The following USP40 variants were observed in gnomAD, a reference collection of about 807,000 sequenced individuals.
USP40 encodes ubiquitin specific peptidase 40, also known as ubiquitin carboxyl-terminal hydrolase 40.
A neutral mutation model predicts 166.2 loss-of-function variants in USP40; 143 were observed. The ratio of observed to expected loss-of-function variants is 0.86; its 90% confidence interval spans 0.75 to 0.99. USP40 has a LOEUF of 0.99. Among genes scored for constraint, USP40 ranks in the 50% least tolerant of loss-of-function variants. The pLI is 0.00. For missense variants in USP40, 1,444 were observed against 1,479.7 expected (o/e 0.98, Z 0.40); for synonymous variants, 498 against 524.0 (o/e 0.95, Z 0.68).
intron 17 of USP40, among the ~76,000 whole-genome samples, chr2:233,520,039 C>G (rs2067546781): frequency 6.6e-6 from 1 of 152,102 alleles, no homozygotes; most frequent in Non-Finnish European, 1.5e-5. Context: ...TCACATTTCT[C>G]TATGTCAGGA....
rs770013526 is a variant in USP40, at chr2:233,499,877, A to G, written c.2650+2T>C. ...AATATGTCATCATGGTAAGTAACTT[A>G]CCTTGTAGGCCAGATTTCTTCAGCA... On this transcript the variant is annotated splice_donor_variant, in intron 22 of 31. Transcript: ENST00000678225. LOFTEE classifies it high-confidence loss of function. 56 of 1,611,524 alleles carry G rather than the reference A, an allele frequency of 3.5e-5. No individual in the cohort carries two copies. In the Admixed American group the frequency reaches 5.4e-4, roughly 15 times the overall value.
In USP40 at chr2:233,517,877, G is replaced by A. The variant is rs554561442; in HGVS notation, c.2383+1737C>T. 9.2e-5 allele frequency among the ~76,000 whole-genome samples: 14 copies of A among 151,934 alleles called. 1 individual carries two copies. The South Asian group carries it at 1.0e-3, about 11-fold the overall frequency. ...AAGGAATGAATTAATGGCATTTGCC[G>A]TGACCTAGATGAGATTGGAAACTAT... On this transcript the variant is annotated intron_variant, in intron 18 of 31. Transcript: ENST00000678225.
chr2:233,554,571 T>A, intron 5 of USP40, 45 bp from the exon 6 acceptor site: 1 of 1,490,752 alleles, frequency 6.7e-7, no homozygotes, highest in Non-Finnish European at 9.0e-7. Context: ...TTTCAGAGGT[T>A]TACAAACACA....
intron 9 of USP40, 48 bp from the exon 10 acceptor site, chr2:233,540,817 T>G (rs766139988): frequency 7.5e-7 from 1 of 1,325,210 alleles, no homozygotes; most frequent in Non-Finnish European, 1.1e-6. Flanking sequence ...GAGAAATAAT[T>G]GCATACTTAA....
Position 233,475,914 on chromosome 2 carries a change from C to A in USP40, c.*1478G>T, listed in dbSNP as rs2124999331. On this transcript the variant is annotated 3_prime_UTR_variant, in exon 32 of 32. Transcript: ENST00000678225. ...CTCTGGCGTCATCAGAAGCCTCTATCATCTCCCTCTGCAAAGACGCAGTCT... is the reference window on the plus strand; with the variant it reads ...CTCTGGCGTCATCAGAAGCCTCTATAATCTCCCTCTGCAAAGACGCAGTCT... 6.6e-6 allele frequency: 1 copy of A among 152,428 alleles called. No homozygotes were observed. Among genetic ancestry groups the A allele is most frequent in the East Asian group, 1.9e-4 (1 of 5,336 alleles). 9.4% of individuals were successfully genotyped at this position (152,428 alleles called of 1,614,324 possible). A position where few individuals can be genotyped will look rare whatever the true frequency, so the allele number is the denominator to read the frequency against.
chr2:233,494,391 A>G (rs1017496756), intron 24 of USP40, among the ~76,000 whole-genome samples: 11 of 152,298 alleles, frequency 7.2e-5, no homozygotes, highest in Admixed American at 7.2e-4. Flanking sequence ...AAGTTTCTGT[A>G]GAATAATTTG....
chr2:233,549,207 T>C lies in USP40; in HGVS notation c.860A>G (p.Tyr287Cys), dbSNP rs1559277907. The change falls in exon 8 of 32, where the codon TAT (tyrosine) becomes TGT (cysteine). Residue 287 changes from tyrosine (Y) to cysteine (C), a missense_variant. Tyr to Cys is a radical substitution (Grantham distance 194). Coordinates refer to ENST00000678225, the MANE Select transcript of USP40 (RefSeq NM_001365479.2). Reference protein sequence around the residue: ...CEQSELDDLEYIYDLFSVIIH... With the variant: ...CEQSELDDLECIYDLFSVIIH... Reference sequence around the variant, plus strand: ...AATAACTGAGAAGAGGTCATATATATATTCTAAGTCATCCAATTCACTCTA... The same window carrying C: ...AATAACTGAGAAGAGGTCATATATACATTCTAAGTCATCCAATTCACTCTA... 2 of 1,477,934 alleles carry C rather than the reference T, an allele frequency of 1.4e-6. No homozygotes were observed. Among genetic ancestry groups the C allele is most frequent in the Non-Finnish European group, 1.9e-6 (2 of 1,077,050 alleles). The allele number at this position is 1,477,934 out of a possible 1,614,324, so 91.6% of individuals were successfully genotyped here. A position where few individuals can be genotyped will look rare whatever the true frequency, so the allele number is the denominator to read the frequency against.
intron 18 of USP40, among the ~76,000 whole-genome samples, chr2:233,517,786 GT>G (rs1314414673): frequency 2.6e-5 from 2 of 76,388 alleles, no homozygotes; most frequent in Non-Finnish European, 5.5e-5. Context: ...ACTGTGGTGT[GT>G]GTGTGTGTGT....
intron 8 of USP40, 47 bp from the exon 9 acceptor site, chr2:233,542,410 G>C: frequency 8.4e-7 from 1 of 1,188,598 alleles, no homozygotes; most frequent in Non-Finnish European, 1.2e-6. Flanking sequence ...CCCTTAAAAA[G>C]TAACAAAATA....
Position 233,485,977 on chromosome 2 carries a change from G to A in USP40, c.3198C>T (p.Gly1066=), listed in dbSNP as rs201791599. ...LEPLQKGENL[G]PQDVLLRTQV... is the part of the protein sequence containing the mutation. ...GTGTCCTCAGCAGCACGTCCTGGGGGCTGTACCAGAAAACCGTCAAGCGCC... is the reference window on the plus strand; with the variant it reads ...GTGTCCTCAGCAGCACGTCCTGGGGACTGTACCAGAAAACCGTCAAGCGCC... Residue 1066 remains glycine, a splice_region_variant and synonymous_variant, in exon 29 of 32, where the codon GGC becomes GGT. Coordinates refer to ENST00000678225, the MANE Select transcript of USP40 (RefSeq NM_001365479.2). The A allele has an allele frequency of 3.6e-4, 562 of 1,568,742 alleles. 1 individual carries two copies. The highest frequency in any genetic ancestry group is 3.5e-3 in the Admixed American group (182 of 51,472).
In USP40 at chr2:233,477,310, A is replaced by G. The variant is rs754558810; in HGVS notation, c.*82T>C. On this transcript the variant is annotated 3_prime_UTR_variant, in exon 32 of 32. Coordinates refer to ENST00000678225, the MANE Select transcript of USP40 (RefSeq NM_001365479.2). ...GGATTTGGGATTGGAGGCGCCAGGC[A>G]GCCAGTCCCCATGCCCAGGAAACCC... The G allele has an allele frequency of 3.0e-4, 395 of 1,304,128 alleles. 1 individual carries two copies. Among genetic ancestry groups the G allele is most frequent in the Non-Finnish European group, 4.0e-4 (375 of 926,412 alleles). 80.8% of individuals were successfully genotyped at this position (1,304,128 alleles called of 1,614,324 possible). A position where few individuals can be genotyped will look rare whatever the true frequency, so the allele number is the denominator to read the frequency against.
At chr2:233,479,243 CTGA>C (rs2064378117) in intron 31 of USP40, among the ~76,000 whole-genome samples, 1 of 152,196 alleles carries the variant, frequency 6.6e-6, no homozygotes, top group South Asian at 2.1e-4. Flanking sequence ...TTGGAGAAGT[CTGA>C]TGAAGTCAGT....
chr2:233,477,328 G>T lies in USP40; in HGVS notation c.*64C>A. ...GCCAGGCAGCCAGTCCCCATGCCCA[G>T]GAAACCCACGTTTGTGGCATCAGCC... On this transcript the variant is annotated 3_prime_UTR_variant, in exon 32 of 32. Transcript: ENST00000678225. 6.6e-7 allele frequency: 1 copy of T among 1,517,852 alleles called. No homozygotes were observed. The allele number at this position is 1,517,852 out of a possible 1,614,324, so 94.0% of individuals were successfully genotyped here. A position where few individuals can be genotyped will look rare whatever the true frequency, so the allele number is the denominator to read the frequency against.
At chr2:233,506,954 A>G (rs2066462852) in intron 21 of USP40, among the ~76,000 whole-genome samples, 1 of 152,012 alleles carries the variant, frequency 6.6e-6, no homozygotes, top group South Asian at 2.1e-4. Context: ...TATATTATAT[A>G]AGGAACTTAA....
chr2:233,563,729 C>T (rs1446928668), intron 2 of USP40, among the ~76,000 whole-genome samples: 1 of 152,146 alleles, frequency 6.6e-6, no homozygotes, highest in African/African-American at 2.4e-5. Flanking sequence ...CTTATTCTTT[C>T]CAAATTATAC....
intron 18 of USP40, among the ~76,000 whole-genome samples, chr2:233,516,856 C>T (rs1043476936): frequency 2.8e-5 from 4 of 144,884 alleles, no homozygotes; most frequent in Admixed American, 6.9e-5. Context: ...GACTCCGTCT[C>T]GAATTGAAAA....
chr2:233,519,070 T>C (rs2067464295), intron 18 of USP40, among the ~76,000 whole-genome samples: 2 of 152,180 alleles, frequency 1.3e-5, no homozygotes, highest in Non-Finnish European at 2.9e-5. Context: ...ATAAAGTCTA[T>C]AGAGACAGAA....
chr2:233,492,661 T>C (rs575628304), intron 25 of USP40: 96 of 152,324 alleles, frequency 6.3e-4, no homozygotes, highest in African/African-American at 2.3e-3. Flanking sequence ...GAGATAAGAA[T>C]TTGACTCATT....
chr2:233,555,855 C>T (rs1354310071), intron 5 of USP40, among the ~76,000 whole-genome samples: 1 of 151,980 alleles, frequency 6.6e-6, no homozygotes, highest in Non-Finnish European at 1.5e-5. Flanking sequence ...TGGCTCATGC[C>T]TGTAATCCCA....
Sources: allele counts gnomAD v4.1 joint callset (sites outside exome capture counted in the v4.1 genomes callset), GRCh38; gene constraint gnomAD v4.1.1; transcripts MANE v1.5; gene names NCBI Gene and HGNC (gene_info 2026-07-23, HGNC 2026-07-21).